The following DPYD variants were observed in gnomAD, a reference collection of about 807,000 sequenced individuals.
DPYD encodes the protein dihydropyrimidine dehydrogenase.
In DPYD, 109 loss-of-function variants were observed where a neutral mutation model predicts 116.2. That is an observed-to-expected ratio of 0.94 (90% CI 0.80 to 1.10). The LOEUF is 1.10. Among genes scored for constraint, DPYD ranks in the 50% least tolerant of loss-of-function variants. The pLI is 0.00. For missense variants in DPYD, 1,302 were observed against 1,254.5 expected (o/e 1.04, Z -0.57); for synonymous variants, 440 against 432.0 (o/e 1.02, Z -0.23).
At chr1:97,724,980 A>AGAGG (rs1452126059) in intron 4 of DPYD, among the ~76,000 whole-genome samples, 4 of 149,804 alleles carry the variant, frequency 2.7e-5, no homozygotes, top group Admixed American at 6.7e-5. Context: ...AGAGAGAGAG[A>AGAGG]GAGAGAAAGT....
At chr1:97,621,695 A>T (rs984361030) in intron 8 of DPYD, among the ~76,000 whole-genome samples, 1 of 152,048 alleles carries the variant, frequency 6.6e-6, no homozygotes, top group African/African-American at 2.4e-5. Flanking sequence ...TAATACCATT[A>T]TCCAATAAAA....
intron 18 of DPYD, chr1:97,295,755 T>G (rs1188566899): frequency 4.1e-6 from 4 of 984,074 alleles, no homozygotes; most frequent in South Asian, 4.7e-5. Flanking sequence ...AAATTGCCAG[T>G]GCTACTGTAA....
chr1:97,688,147 C>A (rs977477184), intron 7 of DPYD, among the ~76,000 whole-genome samples: 2 of 151,958 alleles, frequency 1.3e-5, no homozygotes, highest in African/African-American at 2.4e-5. Context: ...TAAAATAAAA[C>A]TAAATTTAAA....
intron 20 of DPYD, among the ~76,000 whole-genome samples, chr1:97,188,246 T>C (rs12034568): frequency 0.12 from 18,353 of 152,166 alleles, 1,400 homozygotes; most frequent in East Asian, 0.39. Context: ...CAGATTATGT[T>C]CATTTATTAA....
rs894396533 is a variant in DPYD, at chr1:97,173,245, T to C, written c.2622+19824A>G. Among the ~76,000 whole-genome samples the C allele has an allele frequency of 3.9e-4, 53 of 135,178 alleles. 1 individual carries two copies. Among genetic ancestry groups the C allele is most frequent in the South Asian group, 9.6e-4 (4 of 4,146 alleles). 88.7% of individuals were successfully genotyped at this position (135,178 alleles called of 152,430 possible). On this transcript the variant is annotated intron_variant, in intron 20 of 22. Transcript: ENST00000370192. ...ACGTACATATATGCGCACACATATATGTACATATATGCACACATATGTACA... is the reference window on the plus strand; with the variant it reads ...ACGTACATATATGCGCACACATATACGTACATATATGCACACATATGTACA...
At chr1:97,183,171 A>T (rs1049517640) in intron 20 of DPYD, among the ~76,000 whole-genome samples, 3 of 152,078 alleles carry the variant, frequency 2.0e-5, no homozygotes, top group Non-Finnish European at 4.4e-5. Context: ...GAAGGCAAGG[A>T]GTATATGCCT....
At chr1:97,727,093 A>T (rs1663308462) in intron 4 of DPYD, among the ~76,000 whole-genome samples, 1 of 151,778 alleles carries the variant, frequency 6.6e-6, no homozygotes, top group East Asian at 1.9e-4. Flanking sequence ...GTGTATGTTT[A>T]TTTTTTTGAA....
chr1:97,546,142 C>A, intron 12 of DPYD: 4 of 1,411,538 alleles, frequency 2.8e-6, no homozygotes, highest in Non-Finnish European at 4.0e-6. Flanking sequence ...AAGGAGCAGT[C>A]CTTCTGTGCT....
intron 12 of DPYD, among the ~76,000 whole-genome samples, chr1:97,540,015 C>T (rs1173171626): frequency 6.6e-6 from 1 of 152,128 alleles, no homozygotes; most frequent in Non-Finnish European, 1.5e-5. Flanking sequence ...AATCTCACAA[C>T]ACGCTTCTGA....
rs566455664 is a variant in DPYD at position 97,596,905 on chromosome 1, T to G, written c.851-1739A>C. ...TGATTTCCATTATGTAGTAGCATAG[T>G]TAGGGGAGCCACCTCACCTGCCTTT... On this transcript the variant is annotated intron_variant, in intron 8 of 22. Transcript: ENST00000370192. 3.3e-5 allele frequency among the ~76,000 whole-genome samples: 5 copies of G among 152,288 alleles called. No individual in the cohort carries two copies. In the South Asian group the frequency reaches 1.0e-3, roughly 32 times the overall value.
chr1:97,661,564 G>A (rs1204779229), intron 8 of DPYD, among the ~76,000 whole-genome samples: 1 of 151,816 alleles, frequency 6.6e-6, no homozygotes, highest in Admixed American at 6.6e-5. Context: ...CATATACTAC[G>A]CTTTGATAAA....
At chr1:97,524,257 A>G (rs1016780169) in intron 12 of DPYD, among the ~76,000 whole-genome samples, 1 of 152,190 alleles carries the variant, frequency 6.6e-6, no homozygotes, top group African/African-American at 2.4e-5. Flanking sequence ...CATAAGAAAG[A>G]ATTTTGAAAT....
intron 13 of DPYD, among the ~76,000 whole-genome samples, chr1:97,492,602 GATTT>G (rs1398189457): frequency 6.6e-6 from 1 of 152,042 alleles, no homozygotes; most frequent in Non-Finnish European, 1.5e-5. Context: ...TCTAAATGAA[GATTT>G]ATTTTGCCAG....
At chr1:97,225,290 C>A (rs138093128) in intron 19 of DPYD, among the ~76,000 whole-genome samples, 1 of 151,952 alleles carries the variant, frequency 6.6e-6, no homozygotes, top group South Asian at 2.1e-4. Flanking sequence ...AATAGTTATT[C>A]TAACAGGTGT....
chr1:97,164,722 C>T (rs975063116), intron 20 of DPYD, among the ~76,000 whole-genome samples: 6 of 152,108 alleles, frequency 3.9e-5, no homozygotes, highest in East Asian at 3.9e-4. Context: ...TAACCATGGA[C>T]GTGAAAGATC....
chr1:97,537,283 G>A (rs1027027785), intron 12 of DPYD, among the ~76,000 whole-genome samples: 3 of 152,096 alleles, frequency 2.0e-5, no homozygotes, highest in Non-Finnish European at 4.4e-5. Context: ...ATTGAAGGTA[G>A]CTTTAAAATT....
At chr1:97,376,392 A>G (rs980737048) in intron 15 of DPYD, among the ~76,000 whole-genome samples, 1 of 152,062 alleles carries the variant, frequency 6.6e-6, no homozygotes, top group African/African-American at 2.4e-5. Flanking sequence ...TTTTTCACTG[A>G]CTAATTATTA....
At chr1:97,136,020 C>T (rs749225832) in intron 20 of DPYD, among the ~76,000 whole-genome samples, 1 of 152,264 alleles carries the variant, frequency 6.6e-6, no homozygotes, top group Non-Finnish European at 1.5e-5. Flanking sequence ...AATGAGGAAA[C>T]CAAGGCCCGA....
intron 20 of DPYD, among the ~76,000 whole-genome samples, chr1:97,180,438 G>A (rs1336637043): frequency 6.6e-6 from 1 of 152,046 alleles, no homozygotes; most frequent in Non-Finnish European, 1.5e-5. Context: ...CATAAAATGA[G>A]GATTGGGAAC....
Sources: gnomAD v4.1 joint callset for allele counts (sites outside exome capture counted in the v4.1 genomes callset) on GRCh38, gnomAD v4.1.1 for gene constraint, MANE v1.5 for transcripts, NCBI Gene and HGNC (gene_info 2026-07-23, HGNC 2026-07-21) for gene names.